Variants in DPP10 observed in about 807,000 individuals in gnomAD.
The protein encoded by DPP10 is inactive dipeptidyl peptidase 10.
A neutral mutation model predicts 120.9 loss-of-function variants in DPP10; 33 were observed. The observed-to-expected ratio is 0.27, with a 90% CI of 0.21 to 0.37. DPP10 has a LOEUF of 0.37. Ranked by LOEUF, DPP10 falls within the 10% of genes least tolerant of loss-of-function variation. The pLI, the probability that DPP10 is intolerant of heterozygous loss-of-function variation, is 1.00. For missense variants in DPP10, 816 were observed against 942.8 expected (o/e 0.87, Z 1.76); for synonymous variants, 337 against 326.1 (o/e 1.03, Z -0.36).
At chr2:115,084,301 G>A (rs17043996) in intron 1 of DPP10, among the ~76,000 whole-genome samples, 28,209 of 152,024 alleles carry the variant, frequency 0.19, 2,996 homozygotes, top group East Asian at 0.36. Context: ...ATAATAATGC[G>A]CTGACCTCCT....
chr2:114,481,941 G>GA (rs1681087148), intron 1 of DPP10, among the ~76,000 whole-genome samples: 1 of 144,506 alleles, frequency 6.9e-6, no homozygotes, highest in Admixed American at 6.8e-5. Context: ...AAGAGAAGAA[G>GA]GAGAAGAGAG....
At chr2:115,188,578 A>T (rs1047433708) in intron 1 of DPP10, among the ~76,000 whole-genome samples, 1 of 152,228 alleles carries the variant, frequency 6.6e-6, no homozygotes, top group African/African-American at 2.4e-5. Flanking sequence ...TTTTCTAACC[A>T]CACATAAAGA....
At chr2:115,684,406 G>T (rs111579698) in intron 5 of DPP10, among the ~76,000 whole-genome samples, 1,860 of 151,772 alleles carry the variant, frequency 0.012, 46 homozygotes, top group African/African-American at 0.043. Flanking sequence ...GAACAAACTT[G>T]GCATCATTGT....
At chr2:115,368,662 GT>G (rs1248452195) in intron 3 of DPP10, among the ~76,000 whole-genome samples, 1 of 151,842 alleles carries the variant, frequency 6.6e-6, no homozygotes, top group African/African-American at 2.4e-5. Context: ...GGCAATTCCA[GT>G]TTTTTCACGA....
intron 5 of DPP10, among the ~76,000 whole-genome samples, chr2:115,640,760 A>G (rs1382935823): frequency 6.6e-6 from 1 of 152,156 alleles, no homozygotes; most frequent in Non-Finnish European, 1.5e-5. Context: ...CCTTTCTAGC[A>G]ATTAGAGCTG....
At chr2:115,638,284 A>G (rs982933167) in intron 5 of DPP10, among the ~76,000 whole-genome samples, 3 of 152,148 alleles carry the variant, frequency 2.0e-5, no homozygotes, top group African/African-American at 7.2e-5. Context: ...GTAGTGGGTG[A>G]TTTTAATTCT....
At chr2:114,474,159 T>C (rs1680179235) in intron 1 of DPP10, among the ~76,000 whole-genome samples, 1 of 152,292 alleles carries the variant, frequency 6.6e-6, no homozygotes, top group Non-Finnish European at 1.5e-5. Context: ...GTTTGCACCA[T>C]GTTAGACAGT....
intron 19 of DPP10, among the ~76,000 whole-genome samples, chr2:115,799,796 G>C (rs1352467638): frequency 1.3e-5 from 2 of 151,720 alleles, no homozygotes; most frequent in Admixed American, 6.6e-5. Flanking sequence ...AGTATTCCAT[G>C]GTGTATATGT....
intron 5 of DPP10, among the ~76,000 whole-genome samples, chr2:115,680,737 A>C (rs1467448422): frequency 5.3e-5 from 8 of 151,984 alleles, no homozygotes; most frequent in Non-Finnish European, 1.2e-4. Flanking sequence ...TTTAAAAATT[A>C]TCTGTGGAAA....
chr2:114,575,169 T>C (rs546676505), intron 1 of DPP10, among the ~76,000 whole-genome samples: 7 of 152,136 alleles, frequency 4.6e-5, no homozygotes. Flanking sequence ...GTAAGAGTGA[T>C]TGGTGTGCAA....
At chr2:115,095,158 A>G (rs971701857) in intron 1 of DPP10, among the ~76,000 whole-genome samples, 1 of 152,182 alleles carries the variant, frequency 6.6e-6, no homozygotes, top group Non-Finnish European at 1.5e-5. Context: ...ATTGAAATGA[A>G]TTGTTTTATT....
At position 114,543,604 on chromosome 2, in the gene DPP10, A is replaced by T. The variant is rs139033499; in HGVS notation, c.60+100766A>T. Among the ~76,000 whole-genome samples, 19 of 152,296 alleles carry T rather than the reference A, an allele frequency of 1.2e-4. No homozygotes were observed. In the East Asian group the frequency reaches 3.7e-3, roughly 29 times the overall value. On this transcript the variant is annotated intron_variant, in intron 1 of 25. Transcript: ENST00000410059. ...CTGTGGGCTGTGGGAGCAGGAAGCC[A>T]ACAAAAGATAAGGTCTCAAATCTCT...
chr2:115,666,927 T>G (rs775574057), intron 5 of DPP10, among the ~76,000 whole-genome samples: 6 of 152,176 alleles, frequency 3.9e-5, no homozygotes, highest in Non-Finnish European at 8.8e-5. Context: ...AGTTATTTTT[T>G]GACTTTTTAG....
chr2:115,584,562 G>A (rs1376955656), intron 5 of DPP10, among the ~76,000 whole-genome samples: 1 of 152,186 alleles, frequency 6.6e-6, no homozygotes, highest in East Asian at 1.9e-4. Context: ...GAAAAAGTTT[G>A]ATGACCCTTT....
intron 1 of DPP10, among the ~76,000 whole-genome samples, chr2:114,539,323 CAT>C (rs953693107): frequency 1.3e-5 from 2 of 151,306 alleles, no homozygotes; most frequent in African/African-American, 2.4e-5. Context: ...CATACACACA[CAT>C]ATATATATAC....
intron 1 of DPP10, among the ~76,000 whole-genome samples, chr2:114,896,390 TC>T (rs1266598061): frequency 2.6e-5 from 4 of 152,210 alleles, no homozygotes; most frequent in Non-Finnish European, 5.9e-5. Flanking sequence ...TCCATTTTTT[TC>T]GTATCCTCTT....
chr2:115,238,104 C>G (rs2058088474), intron 1 of DPP10, among the ~76,000 whole-genome samples: 1 of 152,182 alleles, frequency 6.6e-6, no homozygotes, highest in South Asian at 2.1e-4. Context: ...GCTGATGCCT[C>G]TCTTCAAAGC....
chr2:115,791,470 C>T (rs1353577961), intron 19 of DPP10, 114 bp downstream of exon 19: 2 of 883,566 alleles, frequency 2.3e-6, no homozygotes, highest in African/African-American at 1.7e-5. Context: ...TGTAGTTAAT[C>T]AGGACAGCTG....
intron 3 of DPP10, among the ~76,000 whole-genome samples, chr2:115,415,879 A>ATATG (rs1193942986): frequency 4.4e-5 from 5 of 114,708 alleles, no homozygotes; most frequent in African/African-American, 1.1e-4. Flanking sequence ...ATATATATGC[A>ATATG]CACACACACA....
Sources: allele counts gnomAD v4.1 joint callset (sites outside exome capture counted in the v4.1 genomes callset), GRCh38; gene constraint gnomAD v4.1.1; transcripts MANE v1.5; gene names NCBI Gene and HGNC (gene_info 2026-07-23, HGNC 2026-07-21).